EPHA7: variants seen among roughly 807,000 people sequenced by gnomAD.
EPHA7 encodes the protein ephrin type-A receptor 7.
EPHA7 carries 25 observed loss-of-function variants against 112.6 expected under a neutral mutation model. That is an observed-to-expected ratio of 0.22 (90% CI 0.16 to 0.31). The LOEUF is 0.31. EPHA7 is among the 10% of genes least tolerant of loss of function. EPHA7 has a pLI of 1.00. For synonymous variants in EPHA7, 437 were observed against 406.5 expected, an observed-to-expected ratio of 1.07 and a Z score of -0.90; for missense variants, 962 against 1,212.6, an observed-to-expected ratio of 0.79 and a Z score of 3.07.
intron 5 of EPHA7, among the ~76,000 whole-genome samples, chr6:93,307,036 G>A (rs963586551): frequency 7.9e-5 from 12 of 151,698 alleles, no homozygotes; most frequent in African/African-American, 2.2e-4. Flanking sequence ...CATAAAAGAA[G>A]TATAATTATA....
intron 1 of EPHA7, 124 bp downstream of exon 1, chr6:93,419,121 A>C: frequency 1.7e-5 from 11 of 649,084 alleles, no homozygotes; most frequent in African/African-American, 3.9e-5. Context: ...GGGGGCGGGG[A>C]GCCGGCGGGG....
intron 1 of EPHA7, among the ~76,000 whole-genome samples, chr6:93,417,754 G>C (rs1260867818): frequency 6.6e-6 from 1 of 152,044 alleles, no homozygotes; most frequent in African/African-American, 2.4e-5. Flanking sequence ...GGGGATGAGC[G>C]TGCGTTTCTA....
intron 5 of EPHA7, among the ~76,000 whole-genome samples, chr6:93,289,063 A>C (rs2127833719): frequency 6.6e-6 from 1 of 152,040 alleles, no homozygotes; most frequent in African/African-American, 2.4e-5. Flanking sequence ...TCAATTATCT[A>C]AAATTTCCCT....
At chr6:93,335,351 C>G (rs116528538) in intron 5 of EPHA7, among the ~76,000 whole-genome samples, 1 of 151,972 alleles carries the variant, frequency 6.6e-6, no homozygotes, top group Non-Finnish European at 1.5e-5. Flanking sequence ...ATACACTATC[C>G]GTGTAGGGTT....
At chr6:93,332,725 T>C (rs908533449) in intron 5 of EPHA7, among the ~76,000 whole-genome samples, 1 of 151,740 alleles carries the variant, frequency 6.6e-6, no homozygotes, top group East Asian at 1.9e-4. Context: ...TAGAGTATTT[T>C]TGAATTTCAA....
chr6:93,341,646 C>G (rs1171023283), intron 5 of EPHA7, among the ~76,000 whole-genome samples: 2 of 151,654 alleles, frequency 1.3e-5, no homozygotes, highest in African/African-American at 4.8e-5. Flanking sequence ...TCATATAAAC[C>G]TTAAATCCTG....
At chr6:93,270,062 A>G (rs78307356) in intron 6 of EPHA7, among the ~76,000 whole-genome samples, 15,635 of 151,684 alleles carry the variant, frequency 0.1, 1,097 homozygotes, top group Non-Finnish European at 0.15. Flanking sequence ...TTCAGCAAGA[A>G]AAAAAGCCAG....
intron 3 of EPHA7, among the ~76,000 whole-genome samples, chr6:93,406,732 C>G (rs186169708): frequency 3.5e-4 from 53 of 151,930 alleles, no homozygotes; most frequent in African/African-American, 1.3e-3. Flanking sequence ...ATATCCAGAT[C>G]CACACTTTGA....
chr6:93,322,971 G>A (rs1457811183), intron 5 of EPHA7, among the ~76,000 whole-genome samples: 4 of 151,454 alleles, frequency 2.6e-5, no homozygotes, highest in Non-Finnish European at 5.9e-5. Context: ...GGCATTTTCA[G>A]TGGACTTAAT....
intron 5 of EPHA7, among the ~76,000 whole-genome samples, chr6:93,348,037 G>C (rs1775492025): frequency 1.3e-5 from 2 of 151,736 alleles, no homozygotes; most frequent in Admixed American, 6.6e-5. Flanking sequence ...TCTACTAAGA[G>C]CATGTCCATT....
At chr6:93,352,103 ACAG>A (rs1480549375) in intron 5 of EPHA7, among the ~76,000 whole-genome samples, 1 of 152,116 alleles carries the variant, frequency 6.6e-6, no homozygotes, top group Non-Finnish European at 1.5e-5. Flanking sequence ...CATTTTTTGT[ACAG>A]CTAGTATGCA....
At chr6:93,254,827 A>T in intron 13 of EPHA7, 31 bp from the exon 14 acceptor site, 2 of 1,573,490 alleles carry the variant, frequency 1.3e-6, no homozygotes, top group South Asian at 1.1e-5. Context: ...CATTTTAAAT[A>T]TGTATAATAA....
chr6:93,345,359 C>T (rs1422638630), intron 5 of EPHA7, among the ~76,000 whole-genome samples: 1 of 151,702 alleles, frequency 6.6e-6, no homozygotes, highest in Non-Finnish European at 1.5e-5. Flanking sequence ...GAACTGCATG[C>T]TTTAAAGCTA....
At chr6:93,283,789 A>T (rs919893033) in intron 5 of EPHA7, among the ~76,000 whole-genome samples, 2 of 152,218 alleles carry the variant, frequency 1.3e-5, no homozygotes, top group Non-Finnish European at 2.9e-5. Context: ...CAGTGAGACC[A>T]AGAACCCCCC....
At chr6:93,365,965 C>A (rs183224695) in intron 3 of EPHA7, among the ~76,000 whole-genome samples, 1 of 151,984 alleles carries the variant, frequency 6.6e-6, no homozygotes, top group Non-Finnish European at 1.5e-5. Context: ...TAAAAAGTTT[C>A]GTTTCTAAAG....
intron 14 of EPHA7, among the ~76,000 whole-genome samples, chr6:93,250,089 A>G (rs1219633091): frequency 6.6e-6 from 1 of 152,158 alleles, no homozygotes; most frequent in African/African-American, 2.4e-5. Context: ...AATAACAACA[A>G]GATATAACAT....
intron 3 of EPHA7, among the ~76,000 whole-genome samples, chr6:93,358,718 G>A (rs972332434): frequency 6.6e-6 from 1 of 152,052 alleles, no homozygotes; most frequent in African/African-American, 2.4e-5. Flanking sequence ...ATTTAATTCC[G>A]ATATATAATT....
At chr6:93,292,289 C>T (rs1281790077) in intron 5 of EPHA7, among the ~76,000 whole-genome samples, 2 of 152,166 alleles carry the variant, frequency 1.3e-5, no homozygotes, top group African/African-American at 4.8e-5. Context: ...CAATAGGGAA[C>T]ATGACTTGGT....
At chr6:93,411,575 G>C (rs1385640341) in intron 2 of EPHA7, among the ~76,000 whole-genome samples, 1 of 152,076 alleles carries the variant, frequency 6.6e-6, no homozygotes, top group Non-Finnish European at 1.5e-5. Flanking sequence ...GACATTTTAA[G>C]TGGCCATATC....
Sources: allele counts gnomAD v4.1 joint callset (sites outside exome capture counted in the v4.1 genomes callset), GRCh38; gene constraint gnomAD v4.1.1; transcripts MANE v1.5; gene names NCBI Gene and HGNC (gene_info 2026-07-23, HGNC 2026-07-21).